AGBL1: variants seen among roughly 807,000 people sequenced by gnomAD.
AGBL1 encodes the protein cytosolic carboxypeptidase 4.
In AGBL1, 130 loss-of-function variants were observed where a neutral mutation model predicts 118.9. The observed-to-expected ratio is 1.09, with a 90% CI of 0.95 to 1.26. AGBL1 has a LOEUF of 1.26. AGBL1 is among the 50% of genes most tolerant of loss of function. The probability of loss-of-function intolerance (pLI) is 0.00; values close to 1 mark genes in which losing one functional copy is unlikely to be tolerated. For synonymous variants in AGBL1, 555 were observed against 478.9 expected (o/e 1.16, Z -2.08); for missense variants, 1,584 against 1,298.1 (o/e 1.22, Z -3.38).
intron 1 of AGBL1, among the ~76,000 whole-genome samples, chr15:86,091,781 AT>A (rs541522698): frequency 7.9e-5 from 12 of 151,830 alleles, no homozygotes; most frequent in African/African-American, 1.7e-4. Context: ...AAATCTCACA[AT>A]TTTTTTTCCA....
intron 21 of AGBL1, among the ~76,000 whole-genome samples, chr15:86,582,762 C>T (rs1297280307): frequency 1.2e-4 from 18 of 148,878 alleles, no homozygotes; most frequent in Non-Finnish European, 2.5e-4. Flanking sequence ...ATCGCAAGGA[C>T]AAAAAACCAA....
intron 5 of AGBL1, among the ~76,000 whole-genome samples, chr15:86,205,536 C>T (rs1472476439): frequency 6.6e-6 from 1 of 152,218 alleles, no homozygotes; most frequent in Non-Finnish European, 1.5e-5. Flanking sequence ...GTCAAACTGT[C>T]TTCCAAAGTG....
At chr15:86,414,505 T>A (rs1488605351) in intron 18 of AGBL1, among the ~76,000 whole-genome samples, 2 of 152,180 alleles carry the variant, frequency 1.3e-5, no homozygotes, top group African/African-American at 4.8e-5. Flanking sequence ...TCTTAATGGC[T>A]TCTGCAGGAC....
rs562566213 is a variant in AGBL1, at chr15:86,135,057, G to A, written c.52-6947G>A. Among the ~76,000 whole-genome samples the A allele has an allele frequency of 1.4e-4, 21 of 152,286 alleles. 1 individual carries two copies. Among genetic ancestry groups the A allele is most frequent in the Admixed American group, 1.0e-3 (16 of 15,300 alleles). The stretch of plus-strand genomic sequence containing the variant: ...GGCGCTGGGGCCTTGCACAGAGTAG[G>A]CATTCAGGAAACTATGGAATGAGAG... On this transcript the variant is annotated intron_variant, in intron 1 of 22. Transcript: ENST00000614907.
At position 86,295,288 on chromosome 15, in the gene AGBL1, C is replaced by A. The variant is rs186551539; in HGVS notation, c.2254C>A (p.Leu752Ile). Reference sequence around the variant, plus strand: ...TGACATCCTGGAAAAGAGTGTCAACCTCAAAGAGGTCTACTTCCGGCAAGA... The same window carrying A: ...TGACATCCTGGAAAAGAGTGTCAACATCAAAGAGGTCTACTTCCGGCAAGA... Reference protein sequence around the residue: ...HLDILEKSVNLKEVYFRQDVL... With the variant: ...HLDILEKSVNIKEVYFRQDVL... Residue 752 changes from leucine (L) to isoleucine (I), a missense_variant, in exon 17 of 23, where the codon CTC becomes ATC. By Grantham distance (5) the Leu-to-Ile change is conservative. Transcript: ENST00000614907. 1 of 1,613,564 alleles carries A rather than the reference C, an allele frequency of 6.2e-7. No individual in the cohort carries two copies. The highest frequency in any genetic ancestry group is 1.3e-5 in the African/African-American group (1 of 74,898).
chr15:86,797,583 G>A (rs191492082), intron 22 of AGBL1, among the ~76,000 whole-genome samples: 364 of 152,270 alleles, frequency 2.4e-3, no homozygotes, highest in Non-Finnish European at 4.4e-3. Flanking sequence ...TCAGATTACT[G>A]AGTGATCACA....
chr15:86,212,680 C>T (rs1426476048), intron 5 of AGBL1, among the ~76,000 whole-genome samples: 1 of 152,158 alleles, frequency 6.6e-6, no homozygotes, highest in African/African-American at 2.4e-5. Context: ...GACAGAGTCT[C>T]ACTCTGTTGC....
chr15:86,320,145 A>G (rs1224427892), intron 17 of AGBL1, among the ~76,000 whole-genome samples: 3 of 152,196 alleles, frequency 2.0e-5, no homozygotes, highest in Non-Finnish European at 4.4e-5. Flanking sequence ...CAAAAATATA[A>G]AATGTCTATT....
chr15:86,272,562 T>C (rs1030885360), intron 15 of AGBL1, among the ~76,000 whole-genome samples: 1 of 152,202 alleles, frequency 6.6e-6, no homozygotes, highest in African/African-American at 2.4e-5. Context: ...TTTGGGATAG[T>C]TGTCACTGTG....
At chr15:86,677,615 C>T (rs1567117410) in intron 22 of AGBL1, among the ~76,000 whole-genome samples, 1 of 152,082 alleles carries the variant, frequency 6.6e-6, no homozygotes. Flanking sequence ...TCCATTTGTC[C>T]CTCACTTAAT....
chr15:86,158,883 C>A, intron 4 of AGBL1, 50 bp from the exon 5 acceptor site: 1 of 1,541,836 alleles, frequency 6.5e-7, no homozygotes. Flanking sequence ...TGTCTTGAGC[C>A]TTAACTCATC....
chr15:86,266,072 A>C (rs1359065168), intron 11 of AGBL1, among the ~76,000 whole-genome samples: 1 of 152,206 alleles, frequency 6.6e-6, no homozygotes, highest in African/African-American at 2.4e-5. Flanking sequence ...GAAAAGTTCC[A>C]AAGTCCCCCA....
At chr15:86,705,646 C>G (rs191075724) in intron 22 of AGBL1, among the ~76,000 whole-genome samples, 83 of 152,226 alleles carry the variant, frequency 5.5e-4, no homozygotes, top group Non-Finnish European at 5.9e-5. Flanking sequence ...CTTAAATTGT[C>G]TTATTCTAAG....
chr15:86,771,657 A>T (rs1330857489), intron 22 of AGBL1, among the ~76,000 whole-genome samples: 1 of 152,076 alleles, frequency 6.6e-6, no homozygotes, highest in Non-Finnish European at 1.5e-5. Context: ...TAGAAACTGC[A>T]CTTGCGTAAG....
chr15:86,213,371 G>C (rs1191716165), intron 5 of AGBL1, among the ~76,000 whole-genome samples: 1 of 152,126 alleles, frequency 6.6e-6, no homozygotes, highest in African/African-American at 2.4e-5. Flanking sequence ...AGCACCCACT[G>C]CCTCAGTCAG....
At chr15:86,307,539 A>AGACCTAGG (rs2079858614) in intron 17 of AGBL1, among the ~76,000 whole-genome samples, 1 of 152,136 alleles carries the variant, frequency 6.6e-6, no homozygotes, top group Admixed American at 6.6e-5. Flanking sequence ...GATGGAAGTA[A>AGACCTAGG]GACCTAGGGA....
At chr15:86,125,724 A>G (rs972312576) in intron 1 of AGBL1, among the ~76,000 whole-genome samples, 12 of 152,214 alleles carry the variant, frequency 7.9e-5, no homozygotes, top group Non-Finnish European at 1.3e-4. Context: ...TGTCCCAGCC[A>G]TGTGTCCCAG....
At chr15:86,145,679 C>T (rs1055325352) in intron 3 of AGBL1, among the ~76,000 whole-genome samples, 1 of 152,126 alleles carries the variant, frequency 6.6e-6, no homozygotes, top group Non-Finnish European at 1.5e-5. Flanking sequence ...GAGCGTGTCC[C>T]AGAAAAAATC....
At chr15:86,789,356 A>T (rs1341527507) in intron 22 of AGBL1, among the ~76,000 whole-genome samples, 2 of 152,244 alleles carry the variant, frequency 1.3e-5, no homozygotes, top group Non-Finnish European at 2.9e-5. Flanking sequence ...GATAGAGATC[A>T]TCTGAGACAA....
Sources: gnomAD v4.1 joint callset for allele counts (sites outside exome capture counted in the v4.1 genomes callset) on GRCh38, gnomAD v4.1.1 for gene constraint, MANE v1.5 for transcripts, NCBI Gene and HGNC (gene_info 2026-07-23, HGNC 2026-07-21) for gene names.